GLB1L: variants seen among roughly 807,000 people sequenced by gnomAD.
GLB1L encodes the protein galactosidase beta 1 like, also known as beta-galactosidase-1-like protein.
Under a neutral mutation model 75.7 loss-of-function variants are expected in GLB1L, and 58 were observed. The observed-to-expected ratio is 0.77, with a 90% confidence interval of 0.62 to 0.95. GLB1L has a LOEUF of 0.95. GLB1L is among the 40% of genes least tolerant of loss of function. The pLI is 0.00. For missense variants in GLB1L, 797 were observed against 805.5 expected (o/e 0.99, Z 0.13); for synonymous variants, 296 against 303.0 (o/e 0.98, Z 0.24).
intron 5 of GLB1L, among the ~76,000 whole-genome samples, chr2:219,242,223 A>G (rs1308821099): frequency 2.0e-5 from 3 of 151,866 alleles, no homozygotes; most frequent in Non-Finnish European, 4.4e-5. Context: ...TCCTGACCTC[A>G]GGTCATGCAC....
intron 11 of GLB1L, 105 bp downstream of exon 11, chr2:219,238,987 T>C (rs1420333153): frequency 2.2e-6 from 2 of 909,192 alleles, no homozygotes; most frequent in African/African-American, 1.7e-5. Context: ...GAAGGCTCTG[T>C]GGCCCAGACA....
chr2:219,237,660 A>AT lies in GLB1L; in HGVS notation c.1540dup (p.Ile514AsnfsTer2). On this transcript the variant is annotated frameshift_variant, in exon 16 of 17. Transcript: ENST00000295759. LOFTEE classifies it high-confidence loss of function. The stretch of plus-strand genomic sequence containing the variant: ...AAACCACCACTTCACAAGGTTATCA[A>AT]TTTTCAGAGGGAACATCATCCACTG... 1 of 1,614,200 alleles carries AT rather than the reference A, an allele frequency of 6.2e-7. No homozygotes were observed. The highest frequency in any genetic ancestry group is 8.5e-7 in the Non-Finnish European group (1 of 1,180,034).
chr2:219,242,779 C>A lies in GLB1L; in HGVS notation c.379G>T (p.Glu127Ter). ...TCCAGCTAACTCACCATCTCCCACT[C>A]TGCACAGATGTAAGGTCCTGGTCTC... ...ILRPGPYICAEWEMGGLPSWL... is the reference protein window; with the variant it reads ...ILRPGPYICA Residue 127 changes from glutamate (E) to a stop codon, truncating the protein, a stop_gained, in exon 4 of 17, where the codon GAG (glutamate) becomes TAG (stop). Transcript: ENST00000295759. LOFTEE classifies it high-confidence loss of function. 6.2e-7 allele frequency: 1 copy of A among 1,614,186 alleles called. No homozygotes were observed. Among genetic ancestry groups the A allele is most frequent in the South Asian group, 1.1e-5 (1 of 91,078 alleles).
intron 5 of GLB1L, 72 bp from the exon 6 acceptor site, chr2:219,240,357 A>G: frequency 2.5e-6 from 3 of 1,222,128 alleles, no homozygotes; most frequent in Non-Finnish European, 3.6e-6. Context: ...ATGGGAAGCA[A>G]TGACTCTTGT....
rs773330205 is a variant in GLB1L, at chr2:219,240,232, G to C, written c.505C>G (p.Pro169Ala). 1.2e-6 allele frequency: 2 copies of C among 1,614,186 alleles called. No individual in the cohort carries two copies. The highest frequency in any genetic ancestry group is 4.5e-5 in the East Asian group (2 of 44,880). ...WFKVLLPKIY[P>A]WLYHNGGNII... ...TTGCCCCCATTGTGATAAAGCCATGGATATATCTTGGGCAGCAAGACCTTG... is the reference window on the plus strand; with the variant it reads ...TTGCCCCCATTGTGATAAAGCCATGCATATATCTTGGGCAGCAAGACCTTG... Residue 169 changes from proline to alanine, a missense_variant, in exon 6 of 17, where the codon CCA (proline) becomes GCA (alanine). By Grantham distance (27) the Pro-to-Ala change is conservative (BLOSUM62 -1). Transcript: ENST00000295759.
rs1198117756 is a variant in GLB1L, at chr2:219,237,294, C to T, written c.1743G>A (p.Gly581=). ...FNLGRYWTKQ[G]PQQTLYVPRF... ...TTGGCACGTAGAGGGTCTGTTGTGG[C>T]CCCTGCTTTGTCCAGTACCGGCCCA... is the stretch of plus-strand genomic sequence containing the variant. The change falls in exon 17 of 17, where the codon GGG becomes GGA. Residue 581 remains glycine (G), a synonymous_variant. Transcript: ENST00000295759. 1 of 1,614,130 alleles carries T rather than the reference C, an allele frequency of 6.2e-7. No individual in the cohort carries two copies. The highest frequency in any genetic ancestry group is 8.5e-7 in the Non-Finnish European group (1 of 1,180,014).
At position 219,238,575 on chromosome 2, in the gene GLB1L, A is replaced by C; in HGVS notation, c.1147T>G (p.Leu383Val). The change falls in exon 13 of 17, where the codon TTA becomes GTA. Residue 383 changes from leucine (L) to valine (V), a missense_variant. Coordinates refer to ENST00000295759, the MANE Select transcript of GLB1L (RefSeq NM_001286423.2). ...CAAAGCAAGTCTAGGAAAGCCAGTA[A>C]ATGCCCAACCTATTAGAATAAGGGA... is the stretch of plus-strand genomic sequence containing the variant. ...GPVTLHLVGH[L>V]LAFLDLLCPR... The C allele has an allele frequency of 6.2e-7, 1 of 1,613,898 alleles. No homozygotes were observed. The highest frequency in any genetic ancestry group is 8.5e-7 in the Non-Finnish European group (1 of 1,179,778).
chr2:219,241,682 C>T (rs187158811), intron 5 of GLB1L, among the ~76,000 whole-genome samples: 3 of 151,390 alleles, frequency 2.0e-5, no homozygotes, highest in African/African-American at 7.3e-5. Context: ...GTGACTGGGG[C>T]CAATTGTGTA....
chr2:219,242,323 A>C (rs1951412869), intron 5 of GLB1L, among the ~76,000 whole-genome samples, 191 bp downstream of exon 5: 1 of 150,262 alleles, frequency 6.7e-6, no homozygotes, highest in Admixed American at 6.6e-5. Context: ...CTTCCACTAT[A>C]TTATAAGCTT....
Position 219,242,919 on chromosome 2 carries a change from C to A in GLB1L, c.240-1G>T. On this transcript the variant is annotated splice_acceptor_variant, in intron 3 of 16. Transcript: ENST00000295759. LOFTEE classifies it high-confidence loss of function. ...CTCGTGGTAGTTCCAGGGCACATAA[C>A]TGAGAAAGGAAGAGGTTAATAGGAA... 1 of 1,614,190 alleles carries A rather than the reference C, an allele frequency of 6.2e-7. No individual in the cohort carries two copies. Among genetic ancestry groups the A allele is most frequent in the South Asian group, 1.1e-5 (1 of 91,082 alleles).
At position 219,239,451 on chromosome 2, in the gene GLB1L, C is replaced by T. The variant is rs759303628; in HGVS notation, c.903G>A (p.Met301Ile). 8 of 1,608,542 alleles carry T rather than the reference C, an allele frequency of 5.0e-6. No individual in the cohort carries two copies. Among genetic ancestry groups the T allele is most frequent in the Non-Finnish European group, 6.8e-6 (8 of 1,176,872 alleles). Reference sequence around the variant, plus strand: ...AGTTGGTACCTCCATGGAACATGTACCTGAAGTGAGAGAGGGTGGGGGAAC... The same window carrying T: ...AGTTGGTACCTCCATGGAACATGTATCTGAAGTGAGAGAGGGTGGGGGAAC... ...NMLKLGASVN[M>I]YMFHGGTNFG... The change falls in exon 10 of 17, where the codon ATG becomes ATA. Residue 301 changes from methionine to isoleucine, a missense_variant and splice_region_variant. Met to Ile is a conservative substitution (Grantham distance 10). Coordinates refer to ENST00000295759, the MANE Select transcript of GLB1L (RefSeq NM_001286423.2).
chr2:219,237,095 G>C lies in GLB1L; in HGVS notation c.1942C>G (p.Pro648Ala), dbSNP rs777603231. Reference protein sequence around the residue: ...LSADTLSASEPMELSGH With the variant: ...LSADTLSASEAMELSGH ...TTTCAGTGCCCACTTAACTCCATTGGTTCAGAGGCACTCAGTGTATCAGCT... is the reference window on the plus strand; with the variant it reads ...TTTCAGTGCCCACTTAACTCCATTGCTTCAGAGGCACTCAGTGTATCAGCT... Residue 648 changes from proline (P) to alanine (A), a missense_variant, in exon 17 of 17, where the codon CCA becomes GCA. By Grantham distance (27) the Pro-to-Ala change is conservative. Transcript: ENST00000295759. The C allele has an allele frequency of 2.5e-6, 4 of 1,610,674 alleles. No homozygotes were observed. Among genetic ancestry groups the C allele is most frequent in the Non-Finnish European group, 3.4e-6 (4 of 1,177,036 alleles).
Position 219,240,089 on chromosome 2 carries a change from C to T in GLB1L, c.552G>A (p.Glu184=), listed in dbSNP as rs1315483026. 2.5e-6 allele frequency: 4 copies of T among 1,614,082 alleles called. No individual in the cohort carries two copies. The highest frequency in any genetic ancestry group is 2.5e-6 in the Non-Finnish European group (3 of 1,180,052). ...AGGCTCTGTAGCTACCATATTCATTCTCCACCTGCCAGAGGGGAGGGAAAG... is the reference window on the plus strand; with the variant it reads ...AGGCTCTGTAGCTACCATATTCATTTTCCACCTGCCAGAGGGGAGGGAAAG... The part of the protein sequence containing the change: ...NGGNIISIQV[E]NEYGSYRACD... Residue 184 remains glutamate (E), a synonymous_variant, in exon 7 of 17, where the codon GAG becomes GAA. Coordinates refer to ENST00000295759, the MANE Select transcript of GLB1L (RefSeq NM_001286423.2).
chr2:219,239,668 G>A lies in GLB1L; in HGVS notation c.795C>T (p.Tyr265=), dbSNP rs781017676. 5 of 1,614,086 alleles carry A rather than the reference G, an allele frequency of 3.1e-6. No individual in the cohort carries two copies. The African/African-American group carries it at 6.7e-5, about 22-fold the overall frequency. The change falls in exon 9 of 17, where the codon TAC becomes TAT. Residue 265 remains tyrosine (Y), a synonymous_variant. Transcript: ENST00000295759. ...CCCAGTAATCCAGCCAGCCTGTGTA[G>A]TACTCAGAGTTTACCTAGAGTGTGA... is the stretch of plus-strand genomic sequence containing the variant. The part of the protein sequence containing the change: ...EPHGPLVNSE[Y]YTGWLDYWGQ...
At position 219,244,126 on chromosome 2, in the gene GLB1L, G is replaced by C. The variant is rs1461620516; in HGVS notation, c.-70-483C>G. Among the ~76,000 whole-genome samples, 4 of 152,196 alleles carry C rather than the reference G, an allele frequency of 2.6e-5. No homozygotes were observed. The East Asian group carries it at 5.8e-4, about 22-fold the overall frequency. On this transcript the variant is annotated intron_variant, in intron 1 of 16. Coordinates refer to ENST00000295759, the MANE Select transcript of GLB1L (RefSeq NM_001286423.2). ...CCACTGCACTCCAGCCTGGGCAACA[G>C]AGCGAGACTCTGTCTCAAAAAACAC...
At chr2:219,239,725 G>A in intron 8 of GLB1L, 43 bp from the exon 9 acceptor site, 4 of 1,614,184 alleles carry the variant, frequency 2.5e-6, no homozygotes, top group Non-Finnish European at 3.4e-6. Flanking sequence ...ATGGAACTGA[G>A]CTGGACCCAT....
chr2:219,237,607 G>A lies in GLB1L; in HGVS notation c.1594C>T (p.Pro532Ser). ...AATGTGGGGCCAGAAGGAGCTTGAG[G>A]ATATGGCCATTTTGGCAACTGGAGG... ...FPLQLPKWPYPQAPSGPTFYS... is the reference protein window; with the variant it reads ...FPLQLPKWPYSQAPSGPTFYS... Residue 532 changes from proline (P) to serine (S), a missense_variant, in exon 16 of 17, where the codon CCT becomes TCT. Coordinates refer to ENST00000295759, the MANE Select transcript of GLB1L (RefSeq NM_001286423.2). The A allele has an allele frequency of 6.2e-7, 1 of 1,614,170 alleles. No individual in the cohort carries two copies. Among genetic ancestry groups the A allele is most frequent in the Non-Finnish European group, 8.5e-7 (1 of 1,180,012 alleles).
chr2:219,243,399 C>A (rs1951445413), intron 2 of GLB1L, 85 bp from the exon 3 acceptor site: 2 of 1,593,550 alleles, frequency 1.3e-6, no homozygotes, highest in African/African-American at 2.7e-5. Flanking sequence ...AGAGATGGAA[C>A]TAGCCCTGCG....
Position 219,237,703 on chromosome 2 carries a change from C to T in GLB1L, c.1498G>A (p.Gly500Arg), listed in dbSNP as rs763716902. 6.8e-6 allele frequency: 11 copies of T among 1,614,072 alleles called. No individual in the cohort carries two copies. The highest frequency in any genetic ancestry group is 9.3e-6 in the Non-Finnish European group (11 of 1,180,024). Residue 500 changes from glycine (G) to arginine (R), a missense_variant, in exon 16 of 17, where the codon GGG becomes AGG. Gly to Arg is a moderately radical substitution (Grantham distance 125). Transcript: ENST00000295759. ...FKGLLKPPIL[G>R]QTILTQWMMF... ...ATCCACTGGGTAAGGATTGTTTGCC[C>T]CAGAATTGGTGGCTTCAACAGGCCC...
Sources: allele counts gnomAD v4.1 joint callset (sites outside exome capture counted in the v4.1 genomes callset), GRCh38; gene constraint gnomAD v4.1.1; transcripts MANE v1.5; gene names NCBI Gene and HGNC (gene_info 2026-07-23, HGNC 2026-07-21).